RFX3: variants seen among roughly 807,000 people sequenced by gnomAD.
RFX3 encodes the protein transcription factor RFX3.
RFX3 carries 14 observed loss-of-function variants against 98.6 expected under a neutral mutation model. The observed-to-expected ratio is 0.14, with a 90% CI of 0.09 to 0.22. The LOEUF is 0.22. Ranked by LOEUF, RFX3 falls within the 10% of genes least tolerant of loss-of-function variation. The pLI is 1.00. For synonymous variants in RFX3, 383 were observed against 328.4 expected, an observed-to-expected ratio of 1.17 and a Z score of -1.80; for missense variants, 639 against 926.9, an observed-to-expected ratio of 0.69 and a Z score of 4.03.
At chr9:3,286,814 A>G (rs936612701) in intron 7 of RFX3, among the ~76,000 whole-genome samples, 1 of 151,886 alleles carries the variant, frequency 6.6e-6, no homozygotes, top group Non-Finnish European at 1.5e-5. Flanking sequence ...CTCAATAAAT[A>G]TGTCATGGAC....
intron 15 of RFX3, among the ~76,000 whole-genome samples, chr9:3,243,893 TGC>T (rs1820284091): frequency 6.6e-6 from 1 of 152,228 alleles, no homozygotes; most frequent in Non-Finnish European, 1.5e-5. Flanking sequence ...AGGACTTTGG[TGC>T]CAGACTGCGT....
At chr9:3,291,933 T>C (rs1827411710) in intron 6 of RFX3, among the ~76,000 whole-genome samples, 1 of 151,686 alleles carries the variant, frequency 6.6e-6, no homozygotes, top group Admixed American at 6.6e-5. Context: ...GGCACACACC[T>C]GTAGTCTCAG....
chr9:3,369,030 G>C (rs1837518014), intron 2 of RFX3, among the ~76,000 whole-genome samples: 1 of 152,178 alleles, frequency 6.6e-6, no homozygotes, highest in Non-Finnish European at 1.5e-5. Flanking sequence ...AAAGGAGGCA[G>C]ATACAAACTG....
intron 1 of RFX3, among the ~76,000 whole-genome samples, chr9:3,510,329 C>A (rs1335936277): frequency 6.6e-6 from 1 of 151,654 alleles, no homozygotes; most frequent in Non-Finnish European, 1.5e-5. Context: ...CTTGCCCCCC[C>A]CAAAAAAAGC....
chr9:3,505,026 AAAT>A (rs1195888881), intron 1 of RFX3, among the ~76,000 whole-genome samples: 12 of 88,658 alleles, frequency 1.4e-4, no homozygotes, highest in East Asian at 7.1e-4. Flanking sequence ...AAAATATTTT[AAAT>A]AATATAATAT....
intron 4 of RFX3, among the ~76,000 whole-genome samples, chr9:3,320,410 C>A (rs761439146): frequency 9.9e-5 from 15 of 151,546 alleles, no homozygotes; most frequent in Non-Finnish European, 1.9e-4. Flanking sequence ...AAAAGCTAGC[C>A]GGGTGTGGTG....
intron 1 of RFX3, among the ~76,000 whole-genome samples, chr9:3,511,766 C>A (rs1817683831): frequency 6.6e-6 from 1 of 151,996 alleles, no homozygotes; most frequent in Admixed American, 6.6e-5. Flanking sequence ...GGGCTACTGT[C>A]CCTGGACTTT....
intron 1 of RFX3, among the ~76,000 whole-genome samples, chr9:3,451,020 G>A (rs530469349): frequency 3.3e-5 from 5 of 152,266 alleles, no homozygotes; most frequent in African/African-American, 1.2e-4. Flanking sequence ...GCTGATTCTA[G>A]GAGTGAAGCA....
intron 2 of RFX3, among the ~76,000 whole-genome samples, chr9:3,349,870 G>T (rs188264149): frequency 6.6e-6 from 1 of 151,892 alleles, no homozygotes; most frequent in African/African-American, 2.4e-5. Flanking sequence ...TTTTGACTTG[G>T]AATTATGAAA....
At chr9:3,228,504 T>C (rs2130641218) in intron 16 of RFX3, among the ~76,000 whole-genome samples, 1 of 152,326 alleles carries the variant, frequency 6.6e-6, no homozygotes. Context: ...CTGGTGGGCC[T>C]TGAATAAAAA....
intron 2 of RFX3, among the ~76,000 whole-genome samples, chr9:3,367,244 C>T (rs768485): frequency 0.12 from 18,019 of 152,026 alleles, 1,766 homozygotes; most frequent in African/African-American, 0.27. Context: ...TACATAAGGC[C>T]GTATTGTTGC....
At chr9:3,522,504 G>T (rs966679594) in intron 1 of RFX3, among the ~76,000 whole-genome samples, 2 of 151,866 alleles carry the variant, frequency 1.3e-5, no homozygotes, top group African/African-American at 4.8e-5. Flanking sequence ...TCTCACTATG[G>T]ATACTAAGAA....
At chr9:3,427,318 ATAC>A (rs1349959177) in intron 1 of RFX3, among the ~76,000 whole-genome samples, 3 of 143,016 alleles carry the variant, frequency 2.1e-5, no homozygotes, top group Non-Finnish European at 3.0e-5. Flanking sequence ...TTACATAATA[ATAC>A]AATATATAAA....
intron 1 of RFX3, among the ~76,000 whole-genome samples, chr9:3,499,312 C>T (rs1167706462): frequency 6.6e-6 from 1 of 151,870 alleles, no homozygotes; most frequent in East Asian, 1.9e-4. Context: ...TCCCAGAAAT[C>T]ATGAAGTTGG....
intron 1 of RFX3, among the ~76,000 whole-genome samples, chr9:3,410,184 T>TGTGTGTGG (rs1300691239): frequency 8.0e-5 from 12 of 150,742 alleles, no homozygotes; most frequent in Non-Finnish European, 1.5e-5. Context: ...TGTGTGTGTG[T>TGTGTGTGG]GTGTGTGTGT....
chr9:3,277,401 C>G lies in RFX3; in HGVS notation c.912G>C (p.Gln304His), dbSNP rs1166392643. Residue 304 changes from glutamine to histidine, a missense_variant, in exon 8 of 17, where the codon CAG becomes CAC. Gln to His is a conservative substitution (Grantham distance 24). Coordinates refer to ENST00000617270, the MANE Select transcript of RFX3 (RefSeq NM_001282116.2). ...VADGFTGSGQQTGTSVEQTVI... is the reference protein window; with the variant it reads ...VADGFTGSGQHTGTSVEQTVI... ...CAGTTTGCTCAACAGATGTGCCTGT[C>G]TGTTGACCACTTCCTGTGAAACCAT... is the stretch of plus-strand genomic sequence containing the variant. 6.2e-7 allele frequency: 1 copy of G among 1,612,792 alleles called. No homozygotes were observed. Among genetic ancestry groups the G allele is most frequent in the South Asian group, 1.1e-5 (1 of 91,058 alleles).
At chr9:3,468,582 G>A (rs951604740) in intron 1 of RFX3, among the ~76,000 whole-genome samples, 3 of 151,936 alleles carry the variant, frequency 2.0e-5, no homozygotes, top group African/African-American at 4.8e-5. Context: ...TGTAATGTAG[G>A]CAGCTTAGCA....
rs954314560 is a variant in RFX3 at position 3,221,421 on chromosome 9, C to A, written c.*3621G>T. Reference sequence around the variant, plus strand: ...TTGTCTACTACAAATCAAAGGCAGTCAATGCTGCACACTACTAATTTTAGG... The same window carrying A: ...TTGTCTACTACAAATCAAAGGCAGTAAATGCTGCACACTACTAATTTTAGG... On this transcript the variant is annotated 3_prime_UTR_variant, in exon 17 of 17. Transcript: ENST00000617270. 2 of 152,156 alleles carry A rather than the reference C, an allele frequency of 1.3e-5. No homozygotes were observed. Among genetic ancestry groups the A allele is most frequent in the African/African-American group, 4.8e-5 (2 of 41,452 alleles). The allele number at this position is 152,156 out of a possible 1,614,324, so 9.4% of individuals were successfully genotyped here.
chr9:3,342,915 G>A (rs1375870710), intron 3 of RFX3, among the ~76,000 whole-genome samples: 3 of 152,200 alleles, frequency 2.0e-5, no homozygotes, highest in Non-Finnish European at 4.4e-5. Flanking sequence ...ATAAACAGGG[G>A]CAAAAGTAAT....
Sources: gnomAD v4.1 joint callset for allele counts (sites outside exome capture counted in the v4.1 genomes callset) on GRCh38, gnomAD v4.1.1 for gene constraint, MANE v1.5 for transcripts, NCBI Gene and HGNC (gene_info 2026-07-23, HGNC 2026-07-21) for gene names.